Variants in UST observed in about 807,000 individuals in gnomAD.
The protein encoded by UST is uronyl 2-sulfotransferase, also known as chondroitin sulfate 2-O-sulfotransferase.
UST carries 21 observed loss-of-function variants against 45.6 expected under a neutral mutation model. The ratio of observed to expected loss-of-function variants is 0.46; its 90% CI spans 0.33 to 0.66. The LOEUF is 0.66. Ranked by LOEUF, UST falls within the 30% of genes least tolerant of loss-of-function variation. UST has a pLI of 0.02. For synonymous variants in UST, 215 were observed against 200.6 expected, an observed-to-expected ratio of 1.07 and a Z score of -0.61; for missense variants, 463 against 512.4, an observed-to-expected ratio of 0.90 and a Z score of 0.93.
intron 1 of UST, among the ~76,000 whole-genome samples, chr6:148,756,042 T>G (rs1776091368): frequency 1.5e-5 from 2 of 136,324 alleles, no homozygotes; most frequent in African/African-American, 2.7e-5. Context: ...GTGTGTGATG[T>G]TCCCCTTCCT....
At chr6:148,951,895 T>C (rs748748319) in intron 3 of UST, among the ~76,000 whole-genome samples, 3 of 152,278 alleles carry the variant, frequency 2.0e-5, no homozygotes, top group Non-Finnish European at 4.4e-5. Flanking sequence ...ATGACTATTA[T>C]GACACTGTTC....
Position 148,912,129 on chromosome 6 carries a change from G to A in UST, c.291+25100G>A, listed in dbSNP as rs143072755. ...GGAGAATCGTCTGAACCTTGGAGACGGAGGTTGCAGTGAGCCGAGATCATG... is the reference window on the plus strand; with the variant it reads ...GGAGAATCGTCTGAACCTTGGAGACAGAGGTTGCAGTGAGCCGAGATCATG... On this transcript the variant is annotated intron_variant, in intron 2 of 7. Transcript: ENST00000367463. Among the ~76,000 whole-genome samples, 55 of 152,328 alleles carry A rather than the reference G, an allele frequency of 3.6e-4. 1 individual carries two copies. The Middle Eastern group carries it at 0.01, about 28-fold the overall frequency.
At chr6:148,886,868 G>T in intron 1 of UST, 118 bp from the exon 2 acceptor site, 2 of 823,454 alleles carry the variant, frequency 2.4e-6, no homozygotes, top group Admixed American at 2.3e-5. Context: ...ATTTTTCTTT[G>T]GTACTGTTGT....
intron 1 of UST, among the ~76,000 whole-genome samples, chr6:148,860,086 A>G (rs902428292): frequency 6.6e-6 from 1 of 152,240 alleles, no homozygotes; most frequent in Non-Finnish European, 1.5e-5. Context: ...TACCTTGGGC[A>G]GTATGGCCAT....
intron 1 of UST, among the ~76,000 whole-genome samples, chr6:148,761,258 A>T (rs1421646272): frequency 6.6e-6 from 1 of 152,206 alleles, no homozygotes; most frequent in East Asian, 1.9e-4. Context: ...GAACACAGCC[A>T]GTAAGCCATG....
intron 1 of UST, among the ~76,000 whole-genome samples, chr6:148,867,644 C>T (rs964739639): frequency 1.4e-4 from 21 of 152,088 alleles, no homozygotes; most frequent in South Asian, 2.1e-4. Context: ...AAACCCCTTT[C>T]GCTTGGCTCT....
At chr6:148,983,264 T>C (rs1404529404) in intron 5 of UST, among the ~76,000 whole-genome samples, 1 of 152,200 alleles carries the variant, frequency 6.6e-6, no homozygotes, top group Non-Finnish European at 1.5e-5. Flanking sequence ...TTAAACATCT[T>C]ACCAGCGGCT....
At chr6:149,064,887 C>T (rs370929504) in intron 7 of UST, among the ~76,000 whole-genome samples, 1,551 of 103,224 alleles carry the variant, frequency 0.015, 12 homozygotes, top group African/African-American at 0.045. Context: ...CAACTGAATC[C>T]ATTTCTAAAA....
chr6:148,999,764 T>G (rs560305089), intron 5 of UST, among the ~76,000 whole-genome samples: 1 of 139,360 alleles, frequency 7.2e-6, no homozygotes, highest in East Asian at 1.9e-4. Flanking sequence ...ACTCCTTACA[T>G]CCCAGGTTAT....
intron 1 of UST, among the ~76,000 whole-genome samples, chr6:148,763,505 T>C (rs1254401547): frequency 1.3e-5 from 2 of 152,204 alleles, no homozygotes; most frequent in Non-Finnish European, 2.9e-5. Flanking sequence ...AGAAGCTCTT[T>C]AGTTTAATTA....
intron 1 of UST, among the ~76,000 whole-genome samples, chr6:148,798,933 G>A (rs1254088764): frequency 6.6e-6 from 1 of 152,004 alleles, no homozygotes; most frequent in Non-Finnish European, 1.5e-5. Flanking sequence ...GCAGTGGTGC[G>A]AGCTCGGCTC....
chr6:148,890,140 C>T (rs1778986572), intron 2 of UST, among the ~76,000 whole-genome samples: 2 of 152,120 alleles, frequency 1.3e-5, no homozygotes, highest in Non-Finnish European at 2.9e-5. Context: ...TCTTGATTTT[C>T]TAAGCAGTAG....
chr6:149,072,376 A>C (rs1190029048), intron 7 of UST, among the ~76,000 whole-genome samples: 1 of 152,196 alleles, frequency 6.6e-6, no homozygotes, highest in Admixed American at 6.5e-5. Flanking sequence ...GTTCTGGGCC[A>C]GGCATGGTGG....
chr6:148,868,072 G>A (rs1778479697), intron 1 of UST, among the ~76,000 whole-genome samples: 1 of 152,108 alleles, frequency 6.6e-6, no homozygotes, highest in Admixed American at 6.5e-5. Context: ...CCTCTGCAAA[G>A]GACACTGTGA....
chr6:149,040,326 C>A (rs1776293320), intron 7 of UST, among the ~76,000 whole-genome samples: 1 of 151,968 alleles, frequency 6.6e-6, no homozygotes, highest in Non-Finnish European at 1.5e-5. Flanking sequence ...TTTTTTCCTG[C>A]AAAATGCCTG....
intron 1 of UST, among the ~76,000 whole-genome samples, chr6:148,756,605 T>G (rs1776103706): frequency 6.6e-6 from 1 of 152,252 alleles, no homozygotes; most frequent in South Asian, 2.1e-4. Context: ...TTGTACTGAT[T>G]GTTTAGGAAG....
chr6:149,073,773 C>T (rs1158570180), intron 7 of UST, 60 bp from the exon 8 acceptor site: 17 of 1,569,824 alleles, frequency 1.1e-5, no homozygotes, highest in Middle Eastern at 2.1e-4. Context: ...GGGTCCTCGC[C>T]GGGATCCCTT....
chr6:149,020,234 A>G (rs921255136), intron 6 of UST, among the ~76,000 whole-genome samples: 5 of 152,208 alleles, frequency 3.3e-5, no homozygotes, highest in Non-Finnish European at 7.3e-5. Flanking sequence ...GTTTGCTTAT[A>G]GTCCAAATTA....
intron 7 of UST, 63 bp from the exon 8 acceptor site, chr6:149,073,770 C>T (rs1451297324): frequency 1.3e-6 from 2 of 1,563,600 alleles, no homozygotes; most frequent in Admixed American, 1.8e-5. Context: ...TGTGGGTCCT[C>T]GCCGGGATCC....
Sources: gnomAD v4.1 joint callset for allele counts (sites outside exome capture counted in the v4.1 genomes callset) on GRCh38, gnomAD v4.1.1 for gene constraint, MANE v1.5 for transcripts, NCBI Gene and HGNC (gene_info 2026-07-23, HGNC 2026-07-21) for gene names.